The following MTUS2 variants were observed in gnomAD, a reference collection of about 807,000 sequenced individuals.
MTUS2 encodes the protein microtubule-associated tumor suppressor candidate 2.
MTUS2 carries 40 observed loss-of-function variants against 114.1 expected under a neutral mutation model. That is an observed-to-expected ratio of 0.35 (90% CI 0.27 to 0.46). The LOEUF (loss-of-function observed/expected upper bound fraction) is 0.46. Among genes scored for constraint, MTUS2 ranks in the 20% least tolerant of loss-of-function variants. The probability of loss-of-function intolerance (pLI) is 1.00; values close to 1 mark genes in which losing one functional copy is unlikely to be tolerated. For missense variants in MTUS2, 1,679 were observed against 1,705.4 expected (o/e 0.98, Z 0.27); for synonymous variants, 688 against 672.0 (o/e 1.02, Z -0.37).
At chr13:29,339,075 T>C (rs9508373) in intron 7 of MTUS2, among the ~76,000 whole-genome samples, 41,026 of 151,842 alleles carry the variant, frequency 0.27, 6,150 homozygotes, top group African/African-American at 0.41. Flanking sequence ...GACTCTAGGC[T>C]GGGCTGCAGG....
chr13:28,949,317 GC>G, intron 2 of MTUS2, among the ~76,000 whole-genome samples: 1 of 151,360 alleles, frequency 6.6e-6, no homozygotes. Flanking sequence ...CTGCCTTGGG[GC>G]TCTGGCTTTT....
At chr13:29,029,361 G>A (rs116977820) in intron 3 of MTUS2, among the ~76,000 whole-genome samples, 2 of 152,296 alleles carry the variant, frequency 1.3e-5, no homozygotes, top group South Asian at 2.1e-4. Flanking sequence ...CTTGAGTCTG[G>A]CTTTAGGCAG....
At chr13:29,441,373 C>G (rs543097207) in intron 9 of MTUS2, among the ~76,000 whole-genome samples, 1 of 152,192 alleles carries the variant, frequency 6.6e-6, no homozygotes, top group Non-Finnish European at 1.5e-5. Context: ...CAGACGCTTG[C>G]TGGAGAAGTC....
At chr13:29,483,825 C>T (rs1031121637) in intron 10 of MTUS2, 10 of 152,246 alleles carry the variant, frequency 6.6e-5, no homozygotes, top group African/African-American at 2.4e-4. Context: ...CACAGCTTCC[C>T]TTTGTCAAAG....
intron 2 of MTUS2, among the ~76,000 whole-genome samples, chr13:28,993,185 C>A (rs1036116164): frequency 1.3e-5 from 2 of 152,220 alleles, no homozygotes; most frequent in African/African-American, 4.8e-5. Context: ...GTGACTAATG[C>A]TGCTGTAAAC....
chr13:29,394,276 T>G lies in MTUS2; in HGVS notation c.3117+34803T>G, dbSNP rs3125714. Among the ~76,000 whole-genome samples the G allele has an allele frequency of 4.0e-3, 611 of 152,268 alleles. 4 individuals are homozygous for G. The highest frequency in any genetic ancestry group is 0.014 in the African/African-American group (574 of 41,550). On this transcript the variant is annotated intron_variant, in intron 8 of 15. Transcript: ENST00000612955. ...TTATACATTTTAGGGGGACAAAAGT[T>G]ACAGGCAGACATCCATCAATACCTG...
chr13:28,899,011 C>T (rs1261591600), intron 2 of MTUS2, among the ~76,000 whole-genome samples: 2 of 152,176 alleles, frequency 1.3e-5, no homozygotes, highest in Non-Finnish European at 2.9e-5. Flanking sequence ...TCAGTGTCTA[C>T]CACAAACCAC....
At chr13:29,430,956 T>G (rs77367417) in intron 8 of MTUS2, among the ~76,000 whole-genome samples, 1,803 of 152,350 alleles carry the variant, frequency 0.012, 43 homozygotes, top group African/African-American at 0.04. Flanking sequence ...TGTTTCTGAT[T>G]ACCTTAACCT....
At chr13:28,894,240 G>A (rs902289021) in intron 2 of MTUS2, among the ~76,000 whole-genome samples, 1 of 142,120 alleles carries the variant, frequency 7.0e-6, no homozygotes, top group Non-Finnish European at 1.5e-5. Context: ...GGGGCCTCTG[G>A]GATGGGATTA....
intron 4 of MTUS2, among the ~76,000 whole-genome samples, chr13:29,044,889 T>C (rs2138574395): frequency 6.6e-6 from 1 of 152,300 alleles, no homozygotes; most frequent in African/African-American, 2.4e-5. Flanking sequence ...AGAGTCTATC[T>C]CATGTGCTTG....
chr13:28,859,435 C>T (rs1442810144), intron 2 of MTUS2, among the ~76,000 whole-genome samples: 1 of 152,178 alleles, frequency 6.6e-6, no homozygotes, highest in Admixed American at 6.5e-5. Flanking sequence ...AATGTGTTTA[C>T]ATCCCCATTC....
intron 8 of MTUS2, among the ~76,000 whole-genome samples, chr13:29,382,410 C>T (rs543873510): frequency 4.6e-5 from 7 of 152,090 alleles, no homozygotes; most frequent in African/African-American, 9.6e-5. Context: ...GGCGTGAAGT[C>T]GATGGGTGGT....
intron 2 of MTUS2, among the ~76,000 whole-genome samples, chr13:29,018,780 G>A (rs927969677): frequency 6.2e-5 from 3 of 48,768 alleles, no homozygotes; most frequent in South Asian, 5.4e-4. Flanking sequence ...CCCCGCCCCC[G>A]CCCCCTGCAA....
At chr13:29,375,181 G>A (rs531745180) in intron 8 of MTUS2, among the ~76,000 whole-genome samples, 10 of 152,050 alleles carry the variant, frequency 6.6e-5, no homozygotes, top group Non-Finnish European at 1.0e-4. Context: ...AAAAGTCAGT[G>A]AACTTGAAGA....
At chr13:28,959,762 A>G (rs1883236627) in intron 2 of MTUS2, among the ~76,000 whole-genome samples, 3 of 152,170 alleles carry the variant, frequency 2.0e-5, no homozygotes, top group African/African-American at 7.2e-5. Context: ...ATCTGTCCCC[A>G]TGACTCAAAC....
chr13:29,216,686 A>G (rs374234616), intron 5 of MTUS2, among the ~76,000 whole-genome samples: 5 of 152,224 alleles, frequency 3.3e-5, no homozygotes, highest in Admixed American at 2.0e-4. Flanking sequence ...TGCATGGGCT[A>G]CACTGACTGT....
At chr13:29,365,903 C>A (rs1870669318) in intron 8 of MTUS2, among the ~76,000 whole-genome samples, 1 of 152,164 alleles carries the variant, frequency 6.6e-6, no homozygotes, top group Non-Finnish European at 1.5e-5. Context: ...AGACAATATT[C>A]AAAAATCATG....
intron 8 of MTUS2, among the ~76,000 whole-genome samples, chr13:29,432,112 C>A (rs1433904388): frequency 6.6e-6 from 1 of 151,532 alleles, no homozygotes; most frequent in Non-Finnish European, 1.5e-5. Context: ...CTCGGCCACC[C>A]AAAATGTTGG....
intron 2 of MTUS2, among the ~76,000 whole-genome samples, chr13:28,929,591 C>A (rs1265113649): frequency 6.6e-6 from 1 of 152,112 alleles, no homozygotes; most frequent in African/African-American, 2.4e-5. Flanking sequence ...CCAGCTTGAG[C>A]ACCGCTATGA....
Sources: allele counts gnomAD v4.1 joint callset (sites outside exome capture counted in the v4.1 genomes callset), GRCh38; gene constraint gnomAD v4.1.1; transcripts MANE v1.5; gene names NCBI Gene and HGNC (gene_info 2026-07-23, HGNC 2026-07-21).